Variants in SCD5 observed in about 807,000 individuals in gnomAD.
SCD5 encodes acyl-CoA-desaturase 4.
A neutral mutation model predicts 30.4 loss-of-function variants in SCD5; 20 were observed. The ratio of observed to expected loss-of-function variants is 0.66; its 90% CI spans 0.46 to 0.96. The LOEUF (loss-of-function observed/expected upper bound fraction) is 0.96, where lower values mean the gene tolerates loss of function less well. SCD5 is among the 40% of genes least tolerant of loss of function. The probability of loss-of-function intolerance (pLI) is 0.00; values close to 1 mark genes in which losing one functional copy is unlikely to be tolerated. For missense variants in SCD5, 381 were observed against 443.3 expected, an observed-to-expected ratio of 0.86 and a Z score of 1.26; for synonymous variants, 173 against 176.4, an observed-to-expected ratio of 0.98 and a Z score of 0.16.
chr4:82,778,185 G>A (rs775460723), intron 1 of SCD5, among the ~76,000 whole-genome samples: 1 of 152,070 alleles, frequency 6.6e-6, no homozygotes, highest in East Asian at 1.9e-4. Flanking sequence ...CATGAACACA[G>A]GGAAGGGAAC....
At chr4:82,720,746 G>T (rs1205626562) in intron 1 of SCD5, among the ~76,000 whole-genome samples, 1 of 152,114 alleles carries the variant, frequency 6.6e-6, no homozygotes, top group Non-Finnish European at 1.5e-5. Context: ...GCCCTACCTG[G>T]GAAGCTGCAC....
intron 1 of SCD5, among the ~76,000 whole-genome samples, chr4:82,754,688 G>A (rs574407700): frequency 7.9e-5 from 12 of 152,342 alleles, no homozygotes; most frequent in East Asian, 3.9e-4. Flanking sequence ...CTTGCATAGC[G>A]GATGGCATCA....
intron 1 of SCD5, among the ~76,000 whole-genome samples, chr4:82,754,400 GA>G (rs1721182086): frequency 6.6e-6 from 1 of 151,554 alleles, no homozygotes; most frequent in Admixed American, 6.6e-5. Context: ...CAGAGAGAGG[GA>G]GGAGAAGTCC....
intron 3 of SCD5, among the ~76,000 whole-genome samples, chr4:82,666,377 G>A (rs1431191855): frequency 1.3e-5 from 2 of 152,164 alleles, no homozygotes; most frequent in Admixed American, 1.3e-4. Context: ...TTAGCCGGGC[G>A]TGGTGGCGGG....
At chr4:82,684,450 A>G (rs193228709) in intron 2 of SCD5, among the ~76,000 whole-genome samples, 240 of 152,284 alleles carry the variant, frequency 1.6e-3, no homozygotes, top group Non-Finnish European at 2.9e-3. Flanking sequence ...AGCAAGATTT[A>G]TATGTTCACC....
At chr4:82,751,380 G>A (rs969758480) in intron 1 of SCD5, among the ~76,000 whole-genome samples, 6 of 152,216 alleles carry the variant, frequency 3.9e-5, no homozygotes, top group East Asian at 3.9e-4. Context: ...GGAGTTTGAG[G>A]ACTAACTACT....
intron 1 of SCD5, among the ~76,000 whole-genome samples, chr4:82,711,633 G>A (rs1720088697): frequency 6.6e-6 from 1 of 152,070 alleles, no homozygotes; most frequent in South Asian, 2.1e-4. Flanking sequence ...TTAAGCCCAG[G>A]AGGTGGAGGC....
At chr4:82,779,071 G>T (rs997589053) in intron 1 of SCD5, among the ~76,000 whole-genome samples, 3 of 152,056 alleles carry the variant, frequency 2.0e-5, no homozygotes, top group African/African-American at 4.8e-5. Context: ...CTCCATGTTG[G>T]TCAGGCTGGT....
At chr4:82,774,061 C>A (rs1347152040) in intron 1 of SCD5, among the ~76,000 whole-genome samples, 2 of 149,998 alleles carry the variant, frequency 1.3e-5, no homozygotes. Context: ...TGCACTCCAG[C>A]CTGGGCAATA....
intron 1 of SCD5, among the ~76,000 whole-genome samples, chr4:82,761,255 T>A (rs562563285): frequency 7.2e-5 from 11 of 152,194 alleles, no homozygotes; most frequent in Non-Finnish European, 1.3e-4. Context: ...ACGTCTGACA[T>A]CTCCTCAACA....
intron 3 of SCD5, among the ~76,000 whole-genome samples, chr4:82,679,220 A>AAAG (rs1553915588): frequency 0.31 from 9,780 of 31,786 alleles, 1,398 homozygotes; most frequent in Middle Eastern, 0.46. Flanking sequence ...AAAAAGAAAG[A>AAAG]AAAGAAAGAA....
chr4:82,633,344 T>C (rs1377636157), intron 4 of SCD5, among the ~76,000 whole-genome samples: 3 of 152,224 alleles, frequency 2.0e-5, no homozygotes, highest in African/African-American at 7.2e-5. Flanking sequence ...TAGTATTCCA[T>C]GATGCATATG....
chr4:82,631,597 G>A, intron 4 of SCD5, 80 bp from the exon 5 acceptor site: 2 of 1,464,304 alleles, frequency 1.4e-6, no homozygotes, highest in South Asian at 1.3e-5. Context: ...TTTTTTCAGG[G>A]TTTACCATGT....
intron 3 of SCD5, among the ~76,000 whole-genome samples, chr4:82,649,833 T>C (rs1481984655): frequency 6.6e-6 from 1 of 152,170 alleles, no homozygotes; most frequent in Non-Finnish European, 1.5e-5. Context: ...TTGTAGGTAG[T>C]TCTCTCCCTG....
chr4:82,698,074 T>C, intron 2 of SCD5: 1 of 456,696 alleles, frequency 2.2e-6, no homozygotes, highest in South Asian at 1.5e-5. Flanking sequence ...GGACCACTTC[T>C]GCTGCTGCCT....
chr4:82,681,095 G>C (rs1728563330), intron 2 of SCD5, among the ~76,000 whole-genome samples, 183 bp from the exon 3 acceptor site: 2 of 152,040 alleles, frequency 1.3e-5, no homozygotes, highest in South Asian at 4.2e-4. Flanking sequence ...GTTTTCATCA[G>C]AACAAGAGTA....
chr4:82,774,425 GA>G (rs1264521667), intron 1 of SCD5, among the ~76,000 whole-genome samples: 1 of 152,166 alleles, frequency 6.6e-6, no homozygotes, highest in African/African-American at 2.4e-5. Context: ...TGTGCATAGA[GA>G]AAAAAGGCTG....
At chr4:82,709,051 C>G (rs980757929) in intron 1 of SCD5, among the ~76,000 whole-genome samples, 1 of 152,052 alleles carries the variant, frequency 6.6e-6, no homozygotes. Flanking sequence ...GAAAACTTGA[C>G]AGTGATAGAG....
intron 1 of SCD5, among the ~76,000 whole-genome samples, chr4:82,764,363 T>C (rs547620888): frequency 6.6e-6 from 1 of 152,310 alleles, no homozygotes; most frequent in African/African-American, 2.4e-5. Flanking sequence ...AAATCTATCA[T>C]TTTGCTACAT....
Sources: allele counts gnomAD v4.1 joint callset (sites outside exome capture counted in the v4.1 genomes callset), GRCh38; gene constraint gnomAD v4.1.1; transcripts MANE v1.5; gene names NCBI Gene and HGNC (gene_info 2026-07-23, HGNC 2026-07-21).